The following ROBO1 variants were observed in gnomAD, a reference collection of about 807,000 sequenced individuals.
The protein encoded by ROBO1 is roundabout homolog 1.
In ROBO1, 149 loss-of-function variants were observed where a neutral mutation model predicts 195.9. That is an observed-to-expected ratio of 0.76 (90% confidence interval 0.67 to 0.87). The LOEUF (loss-of-function observed/expected upper bound fraction) is 0.87, where lower values mean the gene tolerates loss of function less well. ROBO1 is among the 40% of genes least tolerant of loss of function. The pLI, the probability that ROBO1 is intolerant of heterozygous loss-of-function variation, is 0.00. For missense variants in ROBO1, 1,933 were observed against 2,068.3 expected, an observed-to-expected ratio of 0.93 and a Z score of 1.27; for synonymous variants, 816 against 733.2, an observed-to-expected ratio of 1.11 and a Z score of -1.82.
chr3:79,149,926 T>C (rs1388327923), intron 2 of ROBO1, among the ~76,000 whole-genome samples: 1 of 151,748 alleles, frequency 6.6e-6, no homozygotes, highest in African/African-American at 2.4e-5. Flanking sequence ...GTTACTTTTC[T>C]CTTCCCCTTG....
intron 3 of ROBO1, among the ~76,000 whole-genome samples, chr3:78,968,413 C>A (rs936874738): frequency 6.6e-6 from 1 of 151,312 alleles, no homozygotes; most frequent in Non-Finnish European, 1.5e-5. Context: ...TATAGGTGTG[C>A]GCCACTCACA....
In ROBO1 at chr3:79,344,400, C is replaced by T. The variant is rs141720360; in HGVS notation, c.89-218861G>A. Among the ~76,000 whole-genome samples the T allele has an allele frequency of 6.6e-5, 10 of 152,258 alleles. No homozygotes were observed. In the East Asian group the frequency reaches 1.9e-3, roughly 29 times the overall value. ...AAAAGAGACCCTTCACCTCTCTCCACAGCAAAGAACGATTGGCCAGCATGT... is the reference window on the plus strand; with the variant it reads ...AAAAGAGACCCTTCACCTCTCTCCATAGCAAAGAACGATTGGCCAGCATGT... On this transcript the variant is annotated intron_variant, in intron 2 of 30. Transcript: ENST00000464233.
chr3:79,360,842 C>T (rs575974168), intron 2 of ROBO1, among the ~76,000 whole-genome samples: 1 of 152,164 alleles, frequency 6.6e-6, no homozygotes, highest in African/African-American at 2.4e-5. Flanking sequence ...GCTCTTTAAT[C>T]AAACTCTCTG....
chr3:79,174,568 C>T (rs1196747397), intron 2 of ROBO1, among the ~76,000 whole-genome samples: 1 of 152,120 alleles, frequency 6.6e-6, no homozygotes, highest in African/African-American at 2.4e-5. Flanking sequence ...ACTTCATAGT[C>T]CGTAATTGTC....
chr3:79,703,335 A>T (rs1198163782), intron 1 of ROBO1, among the ~76,000 whole-genome samples: 2 of 151,774 alleles, frequency 1.3e-5, no homozygotes, highest in African/African-American at 4.8e-5. Context: ...AGAACAATTT[A>T]TACATCTTCC....
At chr3:79,424,437 A>G (rs534676430) in intron 2 of ROBO1, among the ~76,000 whole-genome samples, 1 of 152,212 alleles carries the variant, frequency 6.6e-6, no homozygotes, top group South Asian at 2.1e-4. Flanking sequence ...TCATATATAT[A>G]TATATCATAT....
chr3:79,493,025 A>C lies in ROBO1; in HGVS notation c.88+96799T>G, dbSNP rs73848895. On this transcript the variant is annotated intron_variant, in intron 2 of 30. Transcript: ENST00000464233. ...TTCTTAAACTATAAAAGAGAGTCAA[A>C]ATATAAATAATAAGAAGCAAAAATA... is the stretch of plus-strand genomic sequence containing the variant. Among the ~76,000 whole-genome samples the C allele has an allele frequency of 5.4e-3, 825 of 152,230 alleles. 8 individuals carry two copies. Among genetic ancestry groups the C allele is most frequent in the African/African-American group, 0.019 (789 of 41,572 alleles).
At chr3:79,649,154 C>G (rs1007412237) in intron 1 of ROBO1, among the ~76,000 whole-genome samples, 3 of 151,820 alleles carry the variant, frequency 2.0e-5, no homozygotes, top group Non-Finnish European at 4.4e-5. Flanking sequence ...TTTTAAAGCC[C>G]TATAAATGAT....
chr3:79,347,811 T>C (rs1412786006), intron 2 of ROBO1, among the ~76,000 whole-genome samples: 2 of 152,038 alleles, frequency 1.3e-5, no homozygotes, highest in African/African-American at 4.8e-5. Context: ...AGAAGAAAAA[T>C]AGCTTGCCCA....
At chr3:79,754,824 T>C (rs1559557846) in intron 1 of ROBO1, among the ~76,000 whole-genome samples, 1 of 152,200 alleles carries the variant, frequency 6.6e-6, no homozygotes, top group African/African-American at 2.4e-5. Flanking sequence ...TTTCTCTTAA[T>C]ATTTTCCCCT....
At chr3:79,491,880 T>C (rs1197768800) in intron 2 of ROBO1, among the ~76,000 whole-genome samples, 2 of 151,806 alleles carry the variant, frequency 1.3e-5, no homozygotes, top group African/African-American at 4.8e-5. Flanking sequence ...GATTTGGAAA[T>C]GGCTGTTCAG....
At position 79,353,359 on chromosome 3, in the gene ROBO1, GAATT is replaced by G. The variant is rs1456790355; in HGVS notation, c.89-227824_89-227821del. Among the ~76,000 whole-genome samples, 10 of 151,140 alleles carry G rather than the reference GAATT, an allele frequency of 6.6e-5. 1 individual carries two copies. In the South Asian group the frequency reaches 1.9e-3, roughly 28 times the overall value. ...AAAATAATTCTGATTGAATGAGAAA[GAATT>G]AACCTCAAAAAAAGAATATAGAAAC... On this transcript the variant is annotated intron_variant, in intron 2 of 30. Transcript: ENST00000464233.
At chr3:78,806,589 T>C (rs1470690466) in intron 4 of ROBO1, among the ~76,000 whole-genome samples, 5 of 152,134 alleles carry the variant, frequency 3.3e-5, no homozygotes, top group African/African-American at 1.2e-4. Flanking sequence ...GTAACACTTA[T>C]AAGTCATGTT....
intron 2 of ROBO1, among the ~76,000 whole-genome samples, chr3:79,445,486 T>G (rs1450235099): frequency 2.7e-5 from 4 of 148,574 alleles, no homozygotes; most frequent in Admixed American, 1.3e-4. Flanking sequence ...AAATTGTTTT[T>G]TTTTTTTTTT....
intron 2 of ROBO1, among the ~76,000 whole-genome samples, chr3:79,281,768 G>A (rs1318260725): frequency 1.3e-5 from 2 of 151,986 alleles, no homozygotes; most frequent in African/African-American, 4.8e-5. Context: ...TGCCATCATC[G>A]GAGGGAACAA....
intron 1 of ROBO1, among the ~76,000 whole-genome samples, chr3:79,672,570 G>A (rs569823640): frequency 1.3e-5 from 2 of 152,008 alleles, no homozygotes; most frequent in African/African-American, 4.8e-5. Context: ...TTATTTTTTA[G>A]TTAGAAGACT....
At chr3:79,753,439 A>G (rs1241046783) in intron 1 of ROBO1, among the ~76,000 whole-genome samples, 1 of 152,202 alleles carries the variant, frequency 6.6e-6, no homozygotes, top group South Asian at 2.1e-4. Context: ...CTCTGCCATG[A>G]AACCTTGTAC....
At position 79,112,859 on chromosome 3, in the gene ROBO1, C is replaced by A. The variant is rs775360642; in HGVS notation, c.172+12597G>T. ...AGCACACCAACATGGCATATGTATA[C>A]ATATGTAACTAACCTGCACGTTGTG... On this transcript the variant is annotated intron_variant, in intron 3 of 30. Coordinates refer to ENST00000464233, the MANE Select transcript of ROBO1 (RefSeq NM_002941.4). 2.2e-4 allele frequency among the ~76,000 whole-genome samples: 34 copies of A among 151,902 alleles called. 1 individual carries two copies. The highest frequency in any genetic ancestry group is 6.8e-3 in the Middle Eastern group (2 of 294).
At chr3:78,734,967 G>A (rs2082361794) in intron 5 of ROBO1, among the ~76,000 whole-genome samples, 1 of 151,962 alleles carries the variant, frequency 6.6e-6, no homozygotes, top group Non-Finnish European at 1.5e-5. Context: ...TGTCTCAAAG[G>A]ACCTGGACAA....
Sources: gnomAD v4.1 joint callset for allele counts (sites outside exome capture counted in the v4.1 genomes callset) on GRCh38, gnomAD v4.1.1 for gene constraint, MANE v1.5 for transcripts, NCBI Gene and HGNC (gene_info 2026-07-23, HGNC 2026-07-21) for gene names.